The following SNX9 variants were observed in gnomAD, a reference collection of about 807,000 sequenced individuals.
The protein encoded by SNX9 is sorting nexin 9.
A neutral mutation model predicts 89.4 loss-of-function variants in SNX9; 44 were observed. That is an observed-to-expected ratio of 0.49 (90% CI 0.39 to 0.63). The LOEUF is 0.63. Among genes scored for constraint, SNX9 ranks in the 30% least tolerant of loss-of-function variants. The pLI is 0.00. For missense variants in SNX9, 578 were observed against 736.1 expected (o/e 0.79, Z 2.49); for synonymous variants, 236 against 247.8 (o/e 0.95, Z 0.45).
chr6:157,849,638 T>C (rs991315055), intron 1 of SNX9, among the ~76,000 whole-genome samples: 14 of 152,186 alleles, frequency 9.2e-5, no homozygotes, highest in African/African-American at 3.4e-4. Flanking sequence ...AGTGAGTAGA[T>C]TGTAGCAGTA....
intron 16 of SNX9, 93 bp downstream of exon 16, chr6:157,938,840 C>A: frequency 1.1e-6 from 1 of 871,360 alleles, no homozygotes; most frequent in South Asian, 1.7e-5. Context: ...ATGTGAGCAG[C>A]AGTTAAGTAA....
rs899105719 is a variant in SNX9, at chr6:157,823,536, G to T, written c.12+90G>T. 3.6e-5 allele frequency: 40 copies of T among 1,096,396 alleles called. No individual in the cohort carries two copies. Among genetic ancestry groups the T allele is most frequent in the South Asian group, 1.3e-4 (3 of 22,268 alleles). 67.9% of individuals were successfully genotyped at this position (1,096,396 alleles called of 1,614,324 possible). On this transcript the variant is annotated intron_variant, in intron 1 of 17. Transcript: ENST00000392185. This position sits in a 1 kb window ranked among gnomAD's most constrained non-coding sequence, Gnocchi z 4.6. ...GGCCGGGGCCGCGGGGAGGGTCGGG[G>T]CCAGGGGTGGTCGAGGGGCCACTCC... is the stretch of plus-strand genomic sequence containing the variant.
chr6:157,927,299 C>G, intron 11 of SNX9, 85 bp downstream of exon 11: 1 of 888,202 alleles, frequency 1.1e-6, no homozygotes. Flanking sequence ...TAGCCGCAGC[C>G]GAAACTCAAA....
In SNX9 at chr6:157,836,326, A is replaced by G. The variant is rs1781582698; in HGVS notation, c.12+12880A>G. 1.3e-5 allele frequency among the ~76,000 whole-genome samples: 2 copies of G among 152,330 alleles called. 1 individual carries two copies. Among genetic ancestry groups the G allele is most frequent in the Admixed American group, 1.3e-4 (2 of 15,300 alleles). ...GATTCTCTAAAATGCTACAAGTATT[A>G]AATTTTTTTCTCAAACTCCCCTCTT... On this transcript the variant is annotated intron_variant, in intron 1 of 17. Transcript: ENST00000392185.
At chr6:157,887,091 A>G (rs1423469440) in intron 4 of SNX9, among the ~76,000 whole-genome samples, 1 of 151,858 alleles carries the variant, frequency 6.6e-6, no homozygotes, top group Non-Finnish European at 1.5e-5. Context: ...TGCAATTTTC[A>G]CCTTGCTATA....
intron 10 of SNX9, chr6:157,924,368 G>C (rs1412855647): frequency 6.6e-6 from 1 of 152,154 alleles, no homozygotes; most frequent in Non-Finnish European, 1.5e-5. Flanking sequence ...TGCTGAAGGT[G>C]GAGCTGTGGG....
At chr6:157,939,142 A>C (rs565971912) in intron 16 of SNX9, among the ~76,000 whole-genome samples, 5 of 151,164 alleles carry the variant, frequency 3.3e-5, no homozygotes, top group African/African-American at 1.2e-4. Flanking sequence ...TTTTTGTGTC[A>C]AGAAAAAAAA....
intron 17 of SNX9, among the ~76,000 whole-genome samples, chr6:157,942,184 A>C (rs1375538793): frequency 6.6e-6 from 1 of 152,176 alleles, no homozygotes; most frequent in Non-Finnish European, 1.5e-5. Flanking sequence ...GTAACCCTTA[A>C]GTTACTAAAA....
At chr6:157,915,368 T>A (rs1163169555) in intron 9 of SNX9, among the ~76,000 whole-genome samples, 1 of 152,100 alleles carries the variant, frequency 6.6e-6, no homozygotes, top group African/African-American at 2.4e-5. Flanking sequence ...ATTCTGTAGA[T>A]CAATTTTCAC....
At chr6:157,914,473 T>TC (rs1783419544) in intron 9 of SNX9, among the ~76,000 whole-genome samples, 2 of 124,816 alleles carry the variant, frequency 1.6e-5, no homozygotes, top group South Asian at 2.8e-4. Flanking sequence ...CTTTTTCTTT[T>TC]TTTTTTTTTT....
intron 10 of SNX9, 123 bp downstream of exon 10, chr6:157,921,784 T>A: frequency 8.7e-7 from 1 of 1,144,592 alleles, no homozygotes; most frequent in Non-Finnish European, 1.2e-6. Context: ...CCAGTGACAG[T>A]GAGGGGACAG....
At chr6:157,891,156 C>G (rs1782851735) in intron 4 of SNX9, among the ~76,000 whole-genome samples, 1 of 151,398 alleles carries the variant, frequency 6.6e-6, no homozygotes, top group Admixed American at 6.6e-5. Flanking sequence ...TTCAGCCTCC[C>G]AAGTAGCTGG....
At chr6:157,933,591 A>G (rs923295678) in intron 13 of SNX9, among the ~76,000 whole-genome samples, 1 of 152,212 alleles carries the variant, frequency 6.6e-6, no homozygotes, top group African/African-American at 2.4e-5. Flanking sequence ...CTGGGAACTC[A>G]AGGCCAGAAC....
At chr6:157,920,569 C>A (rs1478473093) in intron 9 of SNX9, among the ~76,000 whole-genome samples, 1 of 152,206 alleles carries the variant, frequency 6.6e-6, no homozygotes, top group Non-Finnish European at 1.5e-5. Flanking sequence ...CCACCATCGT[C>A]GCCTGAAGTT....
At chr6:157,899,892 A>AGTGT (rs112378365) in intron 5 of SNX9, among the ~76,000 whole-genome samples, 97 of 151,808 alleles carry the variant, frequency 6.4e-4, no homozygotes, top group South Asian at 1.5e-3. Flanking sequence ...TGATTACCTA[A>AGTGT]GTGTGTGTGT....
intron 1 of SNX9, among the ~76,000 whole-genome samples, chr6:157,847,615 A>G (rs1285652178): frequency 6.6e-6 from 1 of 152,050 alleles, no homozygotes; most frequent in African/African-American, 2.4e-5. Context: ...CCTTGCTGGG[A>G]AGGAGCCAGG....
At chr6:157,835,957 C>T (rs1001237394) in intron 1 of SNX9, among the ~76,000 whole-genome samples, 11 of 152,170 alleles carry the variant, frequency 7.2e-5, no homozygotes, top group Admixed American at 7.2e-4. Flanking sequence ...TGAGAAGGGT[C>T]TCACTCTGTT....
chr6:157,869,486 A>T (rs1421826558), intron 2 of SNX9, among the ~76,000 whole-genome samples: 2 of 152,118 alleles, frequency 1.3e-5, no homozygotes, highest in African/African-American at 4.8e-5. Context: ...CTTTCCATTC[A>T]GTGAACCAAG....
chr6:157,924,833 T>C (rs1246027918), intron 10 of SNX9, among the ~76,000 whole-genome samples: 1 of 152,056 alleles, frequency 6.6e-6, no homozygotes, highest in Non-Finnish European at 1.5e-5. Context: ...ACCTGGGGGG[T>C]TTATTATACT....
Sources: allele counts gnomAD v4.1 joint callset (sites outside exome capture counted in the v4.1 genomes callset), GRCh38; gene constraint gnomAD v4.1.1; non-coding constraint Gnocchi (gnomAD v3.1); transcripts MANE v1.5; gene names NCBI Gene and HGNC (gene_info 2026-07-23, HGNC 2026-07-21).